The following GINM1 variants were observed in gnomAD, a reference collection of about 807,000 sequenced individuals.
GINM1 encodes glycosylated integral membrane protein 1.
In GINM1, 29 loss-of-function variants were observed where a neutral mutation model predicts 37.8. The ratio of observed to expected loss-of-function variants is 0.77; its 90% confidence interval spans 0.57 to 1.05. The LOEUF (loss-of-function observed/expected upper bound fraction) is 1.05, where lower values mean the gene tolerates loss of function less well. Among genes scored for constraint, GINM1 ranks in the 50% least tolerant of loss-of-function variants. GINM1 has a pLI of 0.00. For missense variants in GINM1, 377 were observed against 397.9 expected, an observed-to-expected ratio of 0.95 and a Z score of 0.45; for synonymous variants, 143 against 146.2, an observed-to-expected ratio of 0.98 and a Z score of 0.16.
At chr6:149,588,506 A>G (rs1286039380) in intron 7 of GINM1, among the ~76,000 whole-genome samples, 1 of 152,248 alleles carries the variant, frequency 6.6e-6, no homozygotes, top group Non-Finnish European at 1.5e-5. Context: ...TCATCATACA[A>G]AAGCTTTAAA....
chr6:149,572,753 C>T, intron 3 of GINM1, 150 bp downstream of exon 3: 2 of 621,996 alleles, frequency 3.2e-6, no homozygotes, highest in Non-Finnish European at 5.7e-6. Flanking sequence ...CCTCTACCTC[C>T]TAGGTTCAAA....
rs1204168093 is a variant in GINM1, at chr6:149,579,683, G to A, written c.430-151G>A. On this transcript the variant is annotated intron_variant, in intron 4 of 7. Transcript: ENST00000367419. The stretch of plus-strand genomic sequence containing the variant: ...CTCCAGCCTGGGCAACAACAAGAGC[G>A]AAACTCCATCTCAAAAAAAAAAAAA... The A allele has an allele frequency of 1.7e-4, 83 of 500,556 alleles. 2 individuals carry two copies. The highest frequency in any genetic ancestry group is 1.4e-3 in the Admixed American group (34 of 24,748). The allele number at this position is 500,556 out of a possible 1,614,324, so 31.0% of individuals were successfully genotyped here.
Position 149,582,168 on chromosome 6 carries a change from T to C in GINM1, c.718-272T>C, listed in dbSNP as rs137867880. ...CTTGATTTGTAGTTAGAAAACAATA[T>C]AAATAATTTTACAGGCTATTAACAT... On this transcript the variant is annotated intron_variant, in intron 6 of 7. Transcript: ENST00000367419. The C allele has an allele frequency of 1.1e-3, 608 of 531,380 alleles. 5 individuals are homozygous for C. The highest frequency in any genetic ancestry group is 0.011 in the African/African-American group (562 of 52,572). The allele number at this position is 531,380 out of a possible 1,614,324, so 32.9% of individuals were successfully genotyped here. A position where few individuals can be genotyped will look rare whatever the true frequency, so the allele number is the denominator to read the frequency against.
intron 6 of GINM1, among the ~76,000 whole-genome samples, chr6:149,581,777 A>G (rs141197672): frequency 3.9e-5 from 6 of 152,292 alleles, no homozygotes; most frequent in Non-Finnish European, 5.9e-5. Flanking sequence ...AGCAGGGTCT[A>G]TGGTTGGTAT....
At chr6:149,568,976 C>T (rs1177068594) in intron 1 of GINM1, among the ~76,000 whole-genome samples, 3 of 151,252 alleles carry the variant, frequency 2.0e-5, no homozygotes, top group Non-Finnish European at 4.4e-5. Context: ...GTACTACTGG[C>T]GCGTGCCACC....
chr6:149,570,166 A>G (rs1196256499), intron 1 of GINM1, among the ~76,000 whole-genome samples: 1 of 80,262 alleles, frequency 1.2e-5, no homozygotes, highest in Non-Finnish European at 2.5e-5. Context: ...ATATATATAT[A>G]TATATATATA....
chr6:149,589,636 C>T (rs922497195), intron 7 of GINM1, among the ~76,000 whole-genome samples: 1 of 152,090 alleles, frequency 6.6e-6, no homozygotes, highest in African/African-American at 2.4e-5. Flanking sequence ...ATTTTGTTTC[C>T]CAGACAGAGG....
intron 1 of GINM1, among the ~76,000 whole-genome samples, chr6:149,571,474 C>G (rs1029261618): frequency 6.6e-6 from 1 of 151,974 alleles, no homozygotes; most frequent in Non-Finnish European, 1.5e-5. Flanking sequence ...ACTACAGTTA[C>G]GGAAGAATAC....
At chr6:149,577,111 C>T (rs761618) in intron 3 of GINM1, among the ~76,000 whole-genome samples, 151 of 152,338 alleles carry the variant, frequency 9.9e-4, no homozygotes, top group African/African-American at 3.6e-3. Context: ...CACCAGGCCC[C>T]GCCTCCAACA....
At chr6:149,571,227 A>T (rs1201085353) in intron 1 of GINM1, among the ~76,000 whole-genome samples, 1 of 151,966 alleles carries the variant, frequency 6.6e-6, no homozygotes, top group Non-Finnish European at 1.5e-5. Flanking sequence ...AGGCAGGAGA[A>T]TCACTTGAAC....
At chr6:149,570,160 A>ATG (rs1582731190) in intron 1 of GINM1, among the ~76,000 whole-genome samples, 1 of 64,498 alleles carries the variant, frequency 1.6e-5, no homozygotes, top group East Asian at 5.5e-4. Flanking sequence ...ATATATATAT[A>ATG]TATATATATA....
Position 149,566,526 on chromosome 6 carries a change from G to C in GINM1, c.112G>C (p.Ala38Pro), listed in dbSNP as rs774483236. 1 of 1,525,342 alleles carries C rather than the reference G, an allele frequency of 6.6e-7. No individual in the cohort carries two copies. The highest frequency in any genetic ancestry group is 1.4e-5 in the African/African-American group (1 of 70,894). 94.5% of individuals were successfully genotyped at this position (1,525,342 alleles called of 1,614,324 possible). ...CCCCGAGCCGCCGCCGCTGTCCGGA[G>C]CCCCACAGGTAGGGCAGGGCGGGCC... is the stretch of plus-strand genomic sequence containing the variant. The part of the protein sequence containing the change: ...GAPEPPPLSG[A>P]PQDGIRINVT... The change falls in exon 1 of 8, where the codon GCC (alanine) becomes CCC (proline). Residue 38 changes from alanine to proline, a missense_variant. Coordinates refer to ENST00000367419, the MANE Select transcript of GINM1 (RefSeq NM_138785.5). This position sits in a 1 kb window ranked among gnomAD's most constrained non-coding sequence, Gnocchi z 4.4.
chr6:149,579,351 T>A (rs1777962701), intron 4 of GINM1, among the ~76,000 whole-genome samples: 1 of 152,072 alleles, frequency 6.6e-6, no homozygotes, highest in Admixed American at 6.6e-5. Context: ...GGAATATTAT[T>A]AAAGTTGCAA....
At position 149,572,588 on chromosome 6, in the gene GINM1, T is replaced by G; in HGVS notation, c.262T>G (p.Cys88Gly). 3 of 1,576,496 alleles carry G rather than the reference T, an allele frequency of 1.9e-6. No homozygotes were observed. The highest frequency in any genetic ancestry group is 2.2e-5 in the South Asian group (2 of 89,980). Residue 88 changes from cysteine (C) to glycine (G), a missense_variant, in exon 3 of 8, where the codon TGT becomes GGT. By Grantham distance (159) the Cys-to-Gly change is radical. Coordinates refer to ENST00000367419, the MANE Select transcript of GINM1 (RefSeq NM_138785.5). ...AAATAGTGGTGTAACCCGAATAAGC[T>G]GTCAGACTTTGATAGGTGAGTATTA... ...PVNSGVTRIS[C>G]QTLIVKNENL...
chr6:149,582,733 A>T (rs1450782185), intron 7 of GINM1, 130 bp downstream of exon 7: 2 of 614,090 alleles, frequency 3.3e-6, no homozygotes, highest in African/African-American at 3.8e-5. Context: ...AATAACACCT[A>T]CTGTTTTTCT....
intron 7 of GINM1, among the ~76,000 whole-genome samples, chr6:149,588,100 C>T (rs1459799421): frequency 6.6e-6 from 1 of 152,192 alleles, no homozygotes; most frequent in Non-Finnish European, 1.5e-5. Flanking sequence ...TACATCCTTG[C>T]ACATATATTT....
At position 149,590,242 on chromosome 6, in the gene GINM1, CAACT is replaced by C. The variant is rs200653383; in HGVS notation, c.882-481_882-478del. On this transcript the variant is annotated intron_variant, in intron 7 of 7. Transcript: ENST00000367419. ...TTTAGAATCTGTTTGGTTCTATAAA[CAACT>C]AACCCCCGTTGATGTTCTTATTAGA... Among the ~76,000 whole-genome samples the C allele has an allele frequency of 8.0e-3, 1,223 of 152,300 alleles. 7 individuals are homozygous for C. Among genetic ancestry groups the C allele is most frequent in the South Asian group, 0.013 (62 of 4,828 alleles).
chr6:149,581,401 C>T (rs1253579874), intron 6 of GINM1, among the ~76,000 whole-genome samples: 1 of 152,170 alleles, frequency 6.6e-6, no homozygotes, highest in Non-Finnish European at 1.5e-5. Flanking sequence ...TCAAGTGATC[C>T]GCCCATCTTG....
rs1479693745 is a variant in GINM1, at chr6:149,582,451, G to T, written c.729G>T (p.Gln243His). The change falls in exon 7 of 8, where the codon CAG (glutamine) becomes CAT (histidine). Residue 243 changes from glutamine (Q) to histidine (H), a missense_variant. Gln to His is a conservative substitution (Grantham distance 24). Transcript: ENST00000367419. ...EPPSSYKVMC[Q>H]WMEKFRKDLC... is the part of the protein sequence containing the mutation. ...AATTCCTTTTTCAGGTAATGTGTCA[G>T]TGGATGGAAAAGTTTAGAAAAGATC... The T allele has an allele frequency of 6.2e-7, 1 of 1,604,968 alleles. No individual in the cohort carries two copies. The highest frequency in any genetic ancestry group is 8.5e-7 in the Non-Finnish European group (1 of 1,178,138).
Sources: gnomAD v4.1 joint callset for allele counts (sites outside exome capture counted in the v4.1 genomes callset) on GRCh38, gnomAD v4.1.1 for gene constraint, Gnocchi (gnomAD v3.1) non-coding constraint, MANE v1.5 for transcripts, NCBI Gene and HGNC (gene_info 2026-07-23, HGNC 2026-07-21) for gene names.